The following UBE3B variants were observed in gnomAD, a reference collection of about 807,000 sequenced individuals.
UBE3B encodes the protein ubiquitin protein ligase E3B.
Under a neutral mutation model 132.3 loss-of-function variants are expected in UBE3B, and 80 were observed. The ratio of observed to expected loss-of-function variants is 0.60; its 90% confidence interval spans 0.50 to 0.73. The LOEUF (loss-of-function observed/expected upper bound fraction) is 0.73. UBE3B is among the 30% of genes least tolerant of loss of function. The pLI is 0.00. For missense variants in UBE3B, 1,196 were observed against 1,362.5 expected, an observed-to-expected ratio of 0.88 and a Z score of 1.92; for synonymous variants, 487 against 520.4, an observed-to-expected ratio of 0.94 and a Z score of 0.87.
Position 109,509,532 on chromosome 12 carries a change from C to A in UBE3B, c.1623-64C>A, listed in dbSNP as rs945660358. 60 of 1,036,388 alleles carry A rather than the reference C, an allele frequency of 5.8e-5. No homozygotes were observed. The South Asian group carries it at 6.7e-4, about 12-fold the overall frequency. 64.2% of individuals were successfully genotyped at this position (1,036,388 alleles called of 1,614,324 possible). On this transcript the variant is annotated intron_variant, in intron 15 of 27. Coordinates refer to ENST00000342494, the MANE Select transcript of UBE3B (RefSeq NM_130466.4). The stretch of plus-strand genomic sequence containing the variant: ...CTCGTTTATTGTCTAGTAAGCAGTA[C>A]AGATTTTTTTTCTCTTCGCCTTTTT...
At position 109,511,321 on chromosome 12, in the gene UBE3B, C is replaced by G. The variant is rs774184557; in HGVS notation, c.1956+18C>G. Reference sequence around the variant, plus strand: ...ACAAAAACGTGAGTTGCACTCAGAGCTGGGCCCCGATGTGTCTTTCTATTC... The same window carrying G: ...ACAAAAACGTGAGTTGCACTCAGAGGTGGGCCCCGATGTGTCTTTCTATTC... On this transcript the variant is annotated intron_variant, in intron 18 of 27. Coordinates refer to ENST00000342494, the MANE Select transcript of UBE3B (RefSeq NM_130466.4). 53 of 1,611,228 alleles carry G rather than the reference C, an allele frequency of 3.3e-5. No homozygotes were observed. Among genetic ancestry groups the G allele is most frequent in the Middle Eastern group, 3.3e-4 (2 of 6,078 alleles).
chr12:109,508,479 C>G (rs1388536710), intron 15 of UBE3B: 1 of 980,470 alleles, frequency 1.0e-6, no homozygotes, highest in Non-Finnish European at 1.2e-6. Context: ...GGTTTTTAAG[C>G]TTATGCATCT....
chr12:109,492,319 A>G (rs1475644386), intron 9 of UBE3B: 1 of 150,034 alleles, frequency 6.7e-6, no homozygotes, highest in Non-Finnish European at 1.5e-5. Context: ...CAGCGGCCAC[A>G]TGTAACTAGT....
chr12:109,542,718 C>A, the UBE3B span, among the ~76,000 whole-genome samples: 1 of 152,184 alleles, frequency 6.6e-6, no homozygotes, highest in African/African-American at 2.4e-5. Context: ...GGACTTCCAG[C>A]CATCACCCAT....
In UBE3B at chr12:109,534,084, A is replaced by G. The variant is rs1259048965; in HGVS notation, c.3016-507A>G. 7.7e-6 allele frequency: 10 copies of G among 1,294,212 alleles called. No homozygotes were observed. In the South Asian group the frequency reaches 1.2e-4, roughly 16 times the overall value. 80.2% of individuals were successfully genotyped at this position (1,294,212 alleles called of 1,614,324 possible). A position where few individuals can be genotyped will look rare whatever the true frequency, so the allele number is the denominator to read the frequency against. ...AAATGAGAGTCCTACTCCCCATAAA[A>G]ACCCAGTGGCCGCCTCTGGGTGTAG... On this transcript the variant is annotated intron_variant, in intron 27 of 27. Transcript: ENST00000342494. This position sits in a 1 kb window ranked among gnomAD's most constrained non-coding sequence, Gnocchi z 5.2.
At position 109,529,922 on chromosome 12, in the gene UBE3B, G is replaced by C. The variant is rs757976738; in HGVS notation, c.2660G>C (p.Arg887Pro). 2 of 1,614,082 alleles carry C rather than the reference G, an allele frequency of 1.2e-6. No homozygotes were observed. The highest frequency in any genetic ancestry group is 1.7e-6 in the Non-Finnish European group (2 of 1,180,036). The change falls in exon 25 of 28, where the codon CGA becomes CCA. Residue 887 changes from arginine to proline, a missense_variant. Coordinates refer to ENST00000342494, the MANE Select transcript of UBE3B (RefSeq NM_130466.4). Reference sequence around the variant, plus strand: ...TACATCCATCTGATGGCACATTTTCGAATGCACACTCAAATAAAAAACCAA... The same window carrying C: ...TACATCCATCTGATGGCACATTTTCCAATGCACACTCAAATAAAAAACCAA... The part of the protein sequence containing the change: ...ISYIHLMAHF[R>P]MHTQIKNQTA...
chr12:109,526,357 G>A lies in UBE3B; in HGVS notation c.2569-1G>A. On this transcript the variant is annotated splice_acceptor_variant, in intron 23 of 27. Transcript: ENST00000342494. LOFTEE classifies it high-confidence loss of function. ...TTAATTACTCCCATCTTCTCCCCCA[G>A]CTTGTTTGCCATGAACTGATTCCTG... 6.2e-7 allele frequency: 1 copy of A among 1,614,044 alleles called. No individual in the cohort carries two copies. The highest frequency in any genetic ancestry group is 8.5e-7 in the Non-Finnish European group (1 of 1,180,002).
rs398123021 is a variant in UBE3B, at chr12:109,521,289, AAG to A, written c.2223_2224del (p.Arg741SerfsTer3). On this transcript the variant is annotated frameshift_variant, in exon 20 of 28. Coordinates refer to ENST00000342494, the MANE Select transcript of UBE3B (RefSeq NM_130466.4). LOFTEE classifies it high-confidence loss of function. The surrounding 1 kb of genome is among the most constrained non-coding windows in gnomAD (Gnocchi z 4.2). ...VFKEFLEEIIKRVFDPALNLF... is the reference protein window; with the variant it reads ...VFKEFLEEIIXRVFDPALNLF... ...TAAGGAGTTCTTGGAAGAGATCATC[AAG>A]AGAGTTTTTGACCCAGCACTCAATC... 6.2e-7 allele frequency: 1 copy of A among 1,614,210 alleles called. No individual in the cohort carries two copies. The highest frequency in any genetic ancestry group is 8.5e-7 in the Non-Finnish European group (1 of 1,180,046).
intron 19 of UBE3B, among the ~76,000 whole-genome samples, chr12:109,517,321 A>G (rs775879123): frequency 2.0e-5 from 3 of 152,200 alleles, no homozygotes; most frequent in Non-Finnish European, 2.9e-5. Flanking sequence ...ATGTAGAGAA[A>G]TACTTTTATC....
intron 9 of UBE3B, 56 bp downstream of exon 9, chr12:109,491,183 T>C: frequency 7.1e-6 from 11 of 1,553,726 alleles, no homozygotes; most frequent in Non-Finnish European, 9.7e-6. Flanking sequence ...TTCCTCCTCT[T>C]GGTTTTTCTT....
Position 109,536,202 on chromosome 12 carries a change from T to G in UBE3B, c.*1420T>G, listed in dbSNP as rs1245754255. The G allele has an allele frequency of 6.6e-6, 1 of 152,252 alleles. No individual in the cohort carries two copies. The highest frequency in any genetic ancestry group is 1.5e-5 in the Non-Finnish European group (1 of 68,048). 9.4% of individuals were successfully genotyped at this position (152,252 alleles called of 1,614,324 possible). Reference sequence around the variant, plus strand: ...TGTGTGCTCTACTTTGATGGAAACATGGCAAGGAATTTAAAGACAGGAATG... The same window carrying G: ...TGTGTGCTCTACTTTGATGGAAACAGGGCAAGGAATTTAAAGACAGGAATG... On this transcript the variant is annotated 3_prime_UTR_variant, in exon 28 of 28. Coordinates refer to ENST00000342494, the MANE Select transcript of UBE3B (RefSeq NM_130466.4).
chr12:109,499,081 C>T (rs759244593), intron 11 of UBE3B, among the ~76,000 whole-genome samples: 1 of 151,996 alleles, frequency 6.6e-6, no homozygotes, highest in Non-Finnish European at 1.5e-5. Context: ...CCTCAGCCTG[C>T]GAGATTACAG....
chr12:109,494,104 A>G (rs746676812), intron 9 of UBE3B, among the ~76,000 whole-genome samples: 1 of 152,170 alleles, frequency 6.6e-6, no homozygotes, highest in Non-Finnish European at 1.5e-5. Flanking sequence ...CTGGAATTAT[A>G]GGAGTGAGCC....
rs1883304398 is a variant in UBE3B, at chr12:109,534,900, C to T, written c.*118C>T. The T allele has an allele frequency of 2.4e-6, 2 of 840,414 alleles. No individual in the cohort carries two copies. Among genetic ancestry groups the T allele is most frequent in the South Asian group, 4.4e-5 (2 of 45,398 alleles). 52.1% of individuals were successfully genotyped at this position (840,414 alleles called of 1,614,324 possible). A position where few individuals can be genotyped will look rare whatever the true frequency, so the allele number is the denominator to read the frequency against. Reference sequence around the variant, plus strand: ...CAGGTGACATTGGCCCCTAGACCCTCTCTATAGCCATGAGACTCCTTGTGG... The same window carrying T: ...CAGGTGACATTGGCCCCTAGACCCTTTCTATAGCCATGAGACTCCTTGTGG... On this transcript the variant is annotated 3_prime_UTR_variant, in exon 28 of 28. Transcript: ENST00000342494. The surrounding 1 kb of genome is among the most constrained non-coding windows in gnomAD (Gnocchi z 5.2).
chr12:109,513,709 A>G (rs1312870671), intron 18 of UBE3B, among the ~76,000 whole-genome samples: 1 of 151,940 alleles, frequency 6.6e-6, no homozygotes, highest in Non-Finnish European at 1.5e-5. Flanking sequence ...TCTTTTGGGA[A>G]TTTTGCTTAA....
At chr12:109,546,125 G>A in the UBE3B span, among the ~76,000 whole-genome samples, 21 of 152,138 alleles carry the variant, frequency 1.4e-4, no homozygotes, top group African/African-American at 4.3e-4. Context: ...ATCTGGGAAC[G>A]GGTTCCATTA....
intron 2 of UBE3B, among the ~76,000 whole-genome samples, chr12:109,482,014 T>C (rs1282406849): frequency 3.3e-5 from 5 of 152,214 alleles, no homozygotes; most frequent in Admixed American, 3.3e-4. Flanking sequence ...GATATGTTCA[T>C]GTGGTGGGAG....
At chr12:109,479,450 T>C (rs975472370) in intron 1 of UBE3B, among the ~76,000 whole-genome samples, 2 of 152,194 alleles carry the variant, frequency 1.3e-5, no homozygotes, top group African/African-American at 4.8e-5. Context: ...ATAAGGAAAC[T>C]GAGGCCTAGA....
At chr12:109,497,276 G>A (rs10850274) in intron 9 of UBE3B, among the ~76,000 whole-genome samples, 34,467 of 151,158 alleles carry the variant, frequency 0.23, 4,151 homozygotes, top group Middle Eastern at 0.28. Context: ...TTTATATTTC[G>A]AAACATTATA....
Sources: allele counts gnomAD v4.1 joint callset (sites outside exome capture counted in the v4.1 genomes callset), GRCh38; gene constraint gnomAD v4.1.1; non-coding constraint Gnocchi (gnomAD v3.1); transcripts MANE v1.5; gene names NCBI Gene and HGNC (gene_info 2026-07-23, HGNC 2026-07-21).